ATG16L2: variants seen among roughly 807,000 people sequenced by gnomAD.
The protein encoded by ATG16L2 is autophagy related 16 like 2, also known as protein Atg16l2.
In ATG16L2, 77 loss-of-function variants were observed where a neutral mutation model predicts 84.7. The ratio of observed to expected loss-of-function variants is 0.91; its 90% CI spans 0.76 to 1.10. The LOEUF (loss-of-function observed/expected upper bound fraction) is 1.10, where lower values mean the gene tolerates loss of function less well. ATG16L2 is among the 50% of genes least tolerant of loss of function. ATG16L2 has a pLI of 0.00. For synonymous variants in ATG16L2, 361 were observed against 342.8 expected, an observed-to-expected ratio of 1.05 and a Z score of -0.59; for missense variants, 782 against 817.6, an observed-to-expected ratio of 0.96 and a Z score of 0.53.
In ATG16L2 at chr11:72,816,786, G is replaced by C. The variant is rs1419727644; in HGVS notation, c.177G>C (p.Pro59=). 1.2e-6 allele frequency: 2 copies of C among 1,614,128 alleles called. No individual in the cohort carries two copies. Among genetic ancestry groups the C allele is most frequent in the South Asian group, 2.2e-5 (2 of 91,094 alleles). The change falls in exon 2 of 18, where the codon CCG becomes CCC. Residue 59 remains proline (P), a synonymous_variant. Transcript: ENST00000321297. ...LLDKFSKKLQ[P]EPNSVTPTTH... ...ACAAGTTCTCAAAGAAGCTGCAGCCGGAGCCAAACAGTGTCACTCCCACCA... is the reference window on the plus strand; with the variant it reads ...ACAAGTTCTCAAAGAAGCTGCAGCCCGAGCCAAACAGTGTCACTCCCACCA...
At chr11:72,825,667 TG>T (rs949171381) in intron 10 of ATG16L2, among the ~76,000 whole-genome samples, 1 of 152,046 alleles carries the variant, frequency 6.6e-6, no homozygotes, top group African/African-American at 2.4e-5. Flanking sequence ...TGGGGATTGG[TG>T]GGGGTCCCCT....
rs1261462714 is a variant in ATG16L2 at position 72,826,767 on chromosome 11, C to A, written c.1310C>A (p.Ala437Glu). Residue 437 changes from alanine (A) to glutamate (E), a missense_variant, in exon 13 of 18, where the codon GCA (alanine) becomes GAA (glutamate). Ala to Glu is a moderately radical substitution (Grantham distance 107). Transcript: ENST00000321297. Reference protein sequence around the residue: ...AAKFKLTRHQAVTGSRDRTVK... With the variant: ...AAKFKLTRHQEVTGSRDRTVK... ...AAATTCAAGCTAACGAGGCACCAGG[C>A]AGTGACTGGGAGCCGCGACCGGACA... is the stretch of plus-strand genomic sequence containing the variant. 5 of 1,613,976 alleles carry A rather than the reference C, an allele frequency of 3.1e-6. No homozygotes were observed. The highest frequency in any genetic ancestry group is 4.2e-6 in the Non-Finnish European group (5 of 1,180,016).
At position 72,825,285 on chromosome 11, in the gene ATG16L2, C is replaced by T. The variant is rs746186522; in HGVS notation, c.997-17C>T. ...GCGCGGGGAGGGCCGGGGCACCAAC[C>T]TCCCCTTTCCCCACAGGATGCCCAC... On this transcript the variant is annotated splice_polypyrimidine_tract_variant and intron_variant, in intron 9 of 17. Transcript: ENST00000321297. 2.7e-5 allele frequency: 44 copies of T among 1,608,586 alleles called. No individual in the cohort carries two copies. Among genetic ancestry groups the T allele is most frequent in the Non-Finnish European group, 3.7e-5 (44 of 1,176,200 alleles).
At chr11:72,840,905 G>A (rs1860906921) in intron 5 of ATG16L2, 2 of 1,613,056 alleles carry the variant, frequency 1.2e-6, no homozygotes, top group Non-Finnish European at 1.7e-6. Flanking sequence ...TGAGGTCTCA[G>A]GAGTATGCCT....
chr11:72,823,862 C>G, intron 7 of ATG16L2, 198 bp from the exon 8 acceptor site: 1 of 747,552 alleles, frequency 1.3e-6, no homozygotes, highest in South Asian at 1.4e-5. Flanking sequence ...ACTTTCATTA[C>G]CAAATCCATT....
chr11:72,825,872 A>C (rs1860317329), intron 10 of ATG16L2, among the ~76,000 whole-genome samples: 1 of 152,104 alleles, frequency 6.6e-6, no homozygotes, highest in Non-Finnish European at 1.5e-5. Flanking sequence ...GGCTTCCTAG[A>C]AAAGGCAAGT....
chr11:72,826,443 C>CA lies in ATG16L2; in HGVS notation c.1174-75_1174-74insA, dbSNP rs1860360512. The CA allele has an allele frequency of 3.2e-6, 5 of 1,571,804 alleles. No homozygotes were observed. In the African/African-American group the frequency reaches 6.8e-5, roughly 21 times the overall value. The stretch of plus-strand genomic sequence containing the variant: ...GGGCCGTGGGAAACTGTGAGGCAGC[C>CA]CCTAGCCTCATTCTGTGGCCCGAAG... On this transcript the variant is annotated intron_variant, in intron 11 of 17. Coordinates refer to ENST00000321297, the MANE Select transcript of ATG16L2 (RefSeq NM_033388.2).
rs1191865238 is a variant in ATG16L2 at position 72,829,322 on chromosome 11, G to A, written c.1792G>A (p.Ala598Thr). The A allele has an allele frequency of 6.8e-6, 11 of 1,613,058 alleles. No individual in the cohort carries two copies. Among genetic ancestry groups the A allele is most frequent in the Admixed American group, 5.0e-5 (3 of 60,006 alleles). The change falls in exon 18 of 18, where the codon GCC becomes ACC. Residue 598 changes from alanine (A) to threonine (T), a missense_variant. Physicochemically the swap from Ala to Thr is moderately conservative, Grantham distance 58. Transcript: ENST00000321297. Reference sequence around the variant, plus strand: ...CCCCAGCGCTGCCGTCAACGCCGTGGCCTGGTGCTACTCCGGGAGCCACAT... The same window carrying A: ...CCCCAGCGCTGCCGTCAACGCCGTGACCTGGTGCTACTCCGGGAGCCACAT... ...GPHCAAVNAV[A>T]WCYSGSHMVS...
Position 72,829,287 on chromosome 11 carries a change from C to G in ATG16L2, c.1773-16C>G, listed in dbSNP as rs994617732. 1 of 1,611,856 alleles carries G rather than the reference C, an allele frequency of 6.2e-7. No individual in the cohort carries two copies. Among genetic ancestry groups the G allele is most frequent in the Non-Finnish European group, 8.5e-7 (1 of 1,178,754 alleles). On this transcript the variant is annotated splice_polypyrimidine_tract_variant and intron_variant, in intron 17 of 17. Transcript: ENST00000321297. ...TTCCTGAAGCCCCCCTGAAGCCTGCCCCTCCCTTTCCCCAGCGCTGCCGTC... is the reference window on the plus strand; with the variant it reads ...TTCCTGAAGCCCCCCTGAAGCCTGCGCCTCCCTTTCCCCAGCGCTGCCGTC...
chr11:72,822,009 C>T lies in ATG16L2; in HGVS notation c.393-35C>T, dbSNP rs931756082. ...TCCCACTGGGCAGTGACGGGGGAAG[C>T]TTGGGACCCGCTATCCGCTCTTTCC... On this transcript the variant is annotated intron_variant, in intron 4 of 17. Transcript: ENST00000321297. This position sits in a 1 kb window ranked among gnomAD's most constrained non-coding sequence, Gnocchi z 4.2. 1 of 1,477,014 alleles carries T rather than the reference C, an allele frequency of 6.8e-7. No individual in the cohort carries two copies. Among genetic ancestry groups the T allele is most frequent in the Non-Finnish European group, 8.9e-7 (1 of 1,126,844 alleles). The allele number at this position is 1,477,014 out of a possible 1,614,324, so 91.5% of individuals were successfully genotyped here. A position where few individuals can be genotyped will look rare whatever the true frequency, so the allele number is the denominator to read the frequency against.
At chr11:72,816,918 C>G in intron 2 of ATG16L2, 91 bp downstream of exon 2, 1 of 1,051,648 alleles carries the variant, frequency 9.5e-7, no homozygotes, top group Non-Finnish European at 1.4e-6. Context: ...CTCCCTAGTG[C>G]CTCATCAGCC....
intron 10 of ATG16L2, 126 bp downstream of exon 10, chr11:72,825,533 T>C: frequency 1.4e-6 from 1 of 735,308 alleles, no homozygotes; most frequent in East Asian, 2.6e-5. Flanking sequence ...CTGTGGGCAG[T>C]GACTAGACAA....
chr11:72,839,702 T>C (rs1425317287), intron 5 of ATG16L2, among the ~76,000 whole-genome samples: 1 of 152,160 alleles, frequency 6.6e-6, no homozygotes, highest in African/African-American at 2.4e-5. Flanking sequence ...GAAGGGAACA[T>C]AACTCATTTT....
At chr11:72,841,129 C>T (rs967224100) in intron 5 of ATG16L2, among the ~76,000 whole-genome samples, 1 of 152,098 alleles carries the variant, frequency 6.6e-6, no homozygotes, top group Non-Finnish European at 1.5e-5. Context: ...GATCCCACCA[C>T]TGCACTCCAG....
In ATG16L2 at chr11:72,822,143, G is replaced by A. The variant is rs771444204; in HGVS notation, c.492G>A (p.Arg164=). Reference sequence around the variant, plus strand: ...GGCGGGCGCAGAATGCGGTGCAGCGGGCAGCCTACGAGGCGCTGCGCGCGC... The same window carrying A: ...GGCGGGCGCAGAATGCGGTGCAGCGAGCAGCCTACGAGGCGCTGCGCGCGC... ...EEWRAQNAVQ[R]AAYEALRAHV... Residue 164 remains arginine (R), a synonymous_variant, in exon 5 of 18, where the codon CGG becomes CGA. Transcript: ENST00000321297. The surrounding 1 kb of genome is among the most constrained non-coding windows in gnomAD (Gnocchi z 4.2). The A allele has an allele frequency of 3.7e-4, 558 of 1,500,922 alleles. 2 individuals carry two copies. The highest frequency in any genetic ancestry group is 4.7e-4 in the Non-Finnish European group (533 of 1,134,634). 93.0% of individuals were successfully genotyped at this position (1,500,922 alleles called of 1,614,324 possible). A position where few individuals can be genotyped will look rare whatever the true frequency, so the allele number is the denominator to read the frequency against.
At chr11:72,842,887 G>T in exon 6 of ATG16L2, 1 of 1,501,116 alleles carries the variant, frequency 6.7e-7, no homozygotes, top group Non-Finnish European at 9.2e-7. Context: ...ATTAACAGCC[G>T]GTTGCTTTTG....
chr11:72,831,403 G>A (rs1378955601), downstream of ATG16L2, among the ~76,000 whole-genome samples: 2 of 152,226 alleles, frequency 1.3e-5, no homozygotes, highest in African/African-American at 2.4e-5. Flanking sequence ...CTACTTGGGA[G>A]GCTGAGGCAG....
chr11:72,839,430 G>T (rs1426208800), intron 5 of ATG16L2, among the ~76,000 whole-genome samples: 4 of 152,212 alleles, frequency 2.6e-5, no homozygotes, highest in Non-Finnish European at 5.9e-5. Flanking sequence ...TCAGAGGCAA[G>T]CAAGAGTCCA....
chr11:72,816,821 G>A lies in ATG16L2; in HGVS notation c.212G>A (p.Gly71Asp), dbSNP rs1859723819. 1 of 1,614,096 alleles carries A rather than the reference G, an allele frequency of 6.2e-7. No individual in the cohort carries two copies. The highest frequency in any genetic ancestry group is 8.5e-7 in the Non-Finnish European group (1 of 1,179,924). The part of the protein sequence containing the change: ...PNSVTPTTHQ[G>D]PWEESELDSD... ...AGTGTCACTCCCACCACCCACCAGG[G>A]CCCCTGGTAAGTGTATGTGGGTCCG... is the stretch of plus-strand genomic sequence containing the variant. The change falls in exon 2 of 18, where the codon GGC becomes GAC. Residue 71 changes from glycine (G) to aspartate (D), a missense_variant. Gly to Asp is a moderately conservative substitution (Grantham distance 94, BLOSUM62 -1). Coordinates refer to ENST00000321297, the MANE Select transcript of ATG16L2 (RefSeq NM_033388.2).
Sources: gnomAD v4.1 joint callset for allele counts (sites outside exome capture counted in the v4.1 genomes callset) on GRCh38, gnomAD v4.1.1 for gene constraint, Gnocchi (gnomAD v3.1) non-coding constraint, MANE v1.5 for transcripts, NCBI Gene and HGNC (gene_info 2026-07-23, HGNC 2026-07-21) for gene names.